Variants in CATIP observed in about 807,000 individuals in gnomAD.
CATIP encodes the protein ciliogenesis associated TTC17 interacting protein, also known as ciliogenesis-associated TTC17-interacting protein.
A neutral mutation model predicts 42.5 loss-of-function variants in CATIP; 40 were observed. That is an observed-to-expected ratio of 0.94 (90% CI 0.73 to 1.22). The LOEUF is 1.22. CATIP is among the 50% of genes most tolerant of loss of function. The pLI, the probability that CATIP is intolerant of heterozygous loss-of-function variation, is 0.00. For synonymous variants in CATIP, 222 were observed against 200.2 expected (o/e 1.11, Z -0.92); for missense variants, 489 against 496.0 (o/e 0.99, Z 0.13).
In CATIP at chr2:218,367,735, T is replaced by C; in HGVS notation, c.935T>C (p.Leu312Pro). 2 of 1,600,860 alleles carry C rather than the reference T, an allele frequency of 1.2e-6. No homozygotes were observed. The highest frequency in any genetic ancestry group is 1.7e-6 in the Non-Finnish European group (2 of 1,176,616). ...KFLDRKEELR[L>P]GHASYLRQHP... is the part of the protein sequence containing the mutation. ...GTCCCCTGCCAGGAGGAGCTCCGGC[T>C]CGGCCACGCCAGCTATCTGCGGCAG... Residue 312 changes from leucine (L) to proline (P), a missense_variant, in exon 10 of 10, where the codon CTC (leucine) becomes CCC (proline). Physicochemically the swap from Leu to Pro is moderately conservative, Grantham distance 98. Coordinates refer to ENST00000289388, the MANE Select transcript of CATIP (RefSeq NM_198559.2).
intron 2 of CATIP, 43 bp from the exon 3 acceptor site, chr2:218,357,491 A>G (rs1695070644): frequency 1.9e-6 from 3 of 1,549,506 alleles, no homozygotes; most frequent in Non-Finnish European, 2.7e-6. Flanking sequence ...ATTGGGGCCC[A>G]GGAGCAGGGG....
At chr2:218,356,987 G>T in intron 1 of CATIP, 78 bp downstream of exon 1, 1 of 1,595,244 alleles carries the variant, frequency 6.3e-7, no homozygotes, top group Non-Finnish European at 8.6e-7. Flanking sequence ...AGTCTTAGAG[G>T]ATTCTGTTCT....
chr2:218,365,133 G>GTGGAAGAAAGA (rs1695384267), intron 7 of CATIP, among the ~76,000 whole-genome samples: 1 of 152,144 alleles, frequency 6.6e-6, no homozygotes, highest in Non-Finnish European at 1.5e-5. Context: ...GAAAATTCAG[G>GTGGAAGAAAGA]GCTGGGCGTG....
At chr2:218,361,125 C>T (rs537029981) in intron 5 of CATIP, among the ~76,000 whole-genome samples, 1 of 152,266 alleles carries the variant, frequency 6.6e-6, no homozygotes, top group South Asian at 2.1e-4. Flanking sequence ...GCCACCACGC[C>T]CAGCCTACAG....
At chr2:218,357,959 C>A in intron 3 of CATIP, 78 bp from the exon 4 acceptor site, 1 of 1,379,640 alleles carries the variant, frequency 7.2e-7, no homozygotes, top group Non-Finnish European at 1.0e-6. Flanking sequence ...AGTCCTCCAG[C>A]TGCGCCACCA....
intron 7 of CATIP, 79 bp from the exon 8 acceptor site, chr2:218,366,945 T>C: frequency 9.1e-7 from 1 of 1,097,764 alleles, no homozygotes; most frequent in Non-Finnish European, 1.4e-6. Flanking sequence ...ACCACCACAC[T>C]GGGGGTTAGA....
rs752383249 is a variant in CATIP at position 218,362,848 on chromosome 2, C to T, written c.576C>T (p.Ser192=). The change falls in exon 6 of 10, where the codon AGC becomes AGT. Residue 192 remains serine (S), a synonymous_variant. Coordinates refer to ENST00000289388, the MANE Select transcript of CATIP (RefSeq NM_198559.2). ...TGGCCTGGCGGCGGATGGTGCCCAG[C>T]AATGCCCGCTTCCTGACCTTGGACA... ...RVMAWRRMVP[S]NARFLTLDTE... is the part of the protein sequence containing the mutation. The T allele has an allele frequency of 1.2e-6, 2 of 1,614,042 alleles. No homozygotes were observed. Among genetic ancestry groups the T allele is most frequent in the Non-Finnish European group, 1.7e-6 (2 of 1,180,020 alleles).
At chr2:218,357,429 G>T in intron 2 of CATIP, 105 bp from the exon 3 acceptor site, 2 of 939,224 alleles carry the variant, frequency 2.1e-6, no homozygotes, top group East Asian at 2.5e-5. Context: ...GTGGGATGAG[G>T]AGGCAGGTGG....
chr2:218,356,916 A>T lies in CATIP; in HGVS notation c.25+7A>T. 2 of 1,614,054 alleles carry T rather than the reference A, an allele frequency of 1.2e-6. No individual in the cohort carries two copies. The highest frequency in any genetic ancestry group is 2.2e-5 in the South Asian group (2 of 91,090). Reference sequence around the variant, plus strand: ...TCCAAGGTTTACTCCACAGGTGGGAAGAGGACTGCTGGGGCTGGAGGCGGG... The same window carrying T: ...TCCAAGGTTTACTCCACAGGTGGGATGAGGACTGCTGGGGCTGGAGGCGGG... On this transcript the variant is annotated splice_region_variant and intron_variant, in intron 1 of 9. Transcript: ENST00000289388.
At chr2:218,360,992 G>A (rs1316351930) in intron 5 of CATIP, among the ~76,000 whole-genome samples, 3 of 151,576 alleles carry the variant, frequency 2.0e-5, no homozygotes, top group South Asian at 2.1e-4. Flanking sequence ...CACCACGCCC[G>A]GCTAATTCTG....
At position 218,357,570 on chromosome 2, in the gene CATIP, C is replaced by A. The variant is rs369378162; in HGVS notation, c.155C>A (p.Thr52Lys). 1 of 1,614,038 alleles carries A rather than the reference C, an allele frequency of 6.2e-7. No homozygotes were observed. The highest frequency in any genetic ancestry group is 8.5e-7 in the Non-Finnish European group (1 of 1,179,990). Residue 52 changes from threonine (T) to lysine (K), a missense_variant, in exon 3 of 10, where the codon ACG (threonine) becomes AAG (lysine). By Grantham distance (78) the Thr-to-Lys change is moderately conservative. Coordinates refer to ENST00000289388, the MANE Select transcript of CATIP (RefSeq NM_198559.2). ...EELQMLFFSE[T>K]LAMVSDTGEP... ...CTACAGATGCTGTTCTTCTCTGAGA[C>A]GCTGGCCATGGTCTCAGACACCGGG...
Position 218,360,608 on chromosome 2 carries a change from G to C in CATIP, c.411G>C (p.Leu137Phe). ...LILPMERKMS[L>F]LKQDDQLAVT... The stretch of plus-strand genomic sequence containing the variant: ...TCCCCATGGAACGGAAGATGAGTTT[G>C]CTGAAGCAGGATGATCAGCTGGCTG... The change falls in exon 5 of 10, where the codon TTG becomes TTC. Residue 137 changes from leucine to phenylalanine, a missense_variant. Transcript: ENST00000289388. 1 of 1,614,018 alleles carries C rather than the reference G, an allele frequency of 6.2e-7. No homozygotes were observed. The highest frequency in any genetic ancestry group is 1.7e-5 in the Admixed American group (1 of 60,024).
chr2:218,367,537 A>G lies in CATIP; in HGVS notation c.921+19A>G, dbSNP rs1695496729. On this transcript the variant is annotated intron_variant, in intron 9 of 9. Transcript: ENST00000289388. ...CCGGAAGGTGAGGGGAGGCTCCACCAGCCTGGGGTTCCCATTCCCCCATGG... is the reference window on the plus strand; with the variant it reads ...CCGGAAGGTGAGGGGAGGCTCCACCGGCCTGGGGTTCCCATTCCCCCATGG... 5.6e-6 allele frequency: 9 copies of G among 1,612,884 alleles called. No individual in the cohort carries two copies. Among genetic ancestry groups the G allele is most frequent in the Non-Finnish European group, 6.8e-6 (8 of 1,178,860 alleles).
In CATIP at chr2:218,367,883, A is replaced by C; in HGVS notation, c.1083A>C (p.Ser361=). The change falls in exon 10 of 10, where the codon TCA becomes TCC. Residue 361 remains serine, a synonymous_variant. Transcript: ENST00000289388. ...CCTTCGACCCGTGGCGTCCGTCGTCACCGGCCTTGGGCTCCTCCCACCGGC... is the reference window on the plus strand; with the variant it reads ...CCTTCGACCCGTGGCGTCCGTCGTCCCCGGCCTTGGGCTCCTCCCACCGGC... ...FGPFDPWRPS[S]PALGSSHRPN... The C allele has an allele frequency of 1.9e-6, 3 of 1,612,582 alleles. No individual in the cohort carries two copies. The highest frequency in any genetic ancestry group is 2.5e-6 in the Non-Finnish European group (3 of 1,179,794).
At position 218,364,623 on chromosome 2, in the gene CATIP, G is replaced by A; in HGVS notation, c.631-5G>A. 1.2e-6 allele frequency: 2 copies of A among 1,613,250 alleles called. No homozygotes were observed. The highest frequency in any genetic ancestry group is 2.2e-5 in the East Asian group (1 of 44,816). On this transcript the variant is annotated splice_polypyrimidine_tract_variant and splice_region_variant and intron_variant, in intron 6 of 9. Coordinates refer to ENST00000289388, the MANE Select transcript of CATIP (RefSeq NM_198559.2). Reference sequence around the variant, plus strand: ...CTCCCACCCCCCAATTTTGGCTGTTGCCAGCAAAACCTGGGCTTCCAGACC... The same window carrying A: ...CTCCCACCCCCCAATTTTGGCTGTTACCAGCAAAACCTGGGCTTCCAGACC...
In CATIP at chr2:218,366,896, G is replaced by A. The variant is rs755224343; in HGVS notation, c.756-128G>A. ...TCGGGCCCCACCCTTATGACTGCAT[G>A]TAAACGTAATGACCTCCCCAAAGCC... On this transcript the variant is annotated intron_variant, in intron 7 of 9. Transcript: ENST00000289388. 2.0e-5 allele frequency: 15 copies of A among 734,280 alleles called. No individual in the cohort carries two copies. In the Admixed American group the frequency reaches 2.8e-4, roughly 14 times the overall value. 45.5% of individuals were successfully genotyped at this position (734,280 alleles called of 1,614,324 possible).
At chr2:218,359,864 C>T (rs1055636047) in intron 4 of CATIP, among the ~76,000 whole-genome samples, 15 of 151,448 alleles carry the variant, frequency 9.9e-5, no homozygotes, top group Admixed American at 2.0e-4. Context: ...TTGCTCTTAT[C>T]ACCCAGGCTG....
chr2:218,357,358 C>G (rs1357160850), intron 2 of CATIP, 171 bp downstream of exon 2: 2 of 707,742 alleles, frequency 2.8e-6, no homozygotes, highest in East Asian at 5.4e-5. Flanking sequence ...AGGGAAGGCC[C>G]CCCGGGGACA....
At chr2:218,357,210 T>C in intron 2 of CATIP, 23 bp downstream of exon 2, 1 of 1,580,468 alleles carries the variant, frequency 6.3e-7, no homozygotes, top group South Asian at 1.1e-5. Flanking sequence ...AGTGTCGGGG[T>C]TGGGGGTGCG....
Sources: allele counts gnomAD v4.1 joint callset (sites outside exome capture counted in the v4.1 genomes callset), GRCh38; gene constraint gnomAD v4.1.1; transcripts MANE v1.5; gene names NCBI Gene and HGNC (gene_info 2026-07-23, HGNC 2026-07-21).